Variants in RGS6 observed in about 807,000 individuals in gnomAD.
RGS6 encodes the protein regulator of G-protein signaling 6.
Under a neutral mutation model 78.5 loss-of-function variants are expected in RGS6, and 30 were observed. The observed-to-expected ratio is 0.38, with a 90% CI of 0.29 to 0.52. The LOEUF is 0.52. Ranked by LOEUF, RGS6 falls within the 20% of genes least tolerant of loss-of-function variation. The pLI is 0.85. For missense variants in RGS6, 495 were observed against 609.7 expected, an observed-to-expected ratio of 0.81 and a Z score of 1.98; for synonymous variants, 206 against 206.0, an observed-to-expected ratio of 1.00 and a Z score of 0.00.
At chr14:72,523,606 C>T (rs1033133710) in intron 15 of RGS6, among the ~76,000 whole-genome samples, 1 of 152,134 alleles carries the variant, frequency 6.6e-6, no homozygotes, top group African/African-American at 2.4e-5. Flanking sequence ...AGTTAATTGC[C>T]TGTATTTGCT....
At chr14:72,189,298 A>G (rs957095471) in intron 2 of RGS6, among the ~76,000 whole-genome samples, 1 of 152,200 alleles carries the variant, frequency 6.6e-6, no homozygotes, top group African/African-American at 2.4e-5. Flanking sequence ...CAAAACTTCT[A>G]GTATGTTAGG....
chr14:72,448,394 T>C lies in RGS6; in HGVS notation c.185-6134T>C, dbSNP rs191595457. Among the ~76,000 whole-genome samples, 199 of 152,338 alleles carry C rather than the reference T, an allele frequency of 1.3e-3. 3 individuals are homozygous for C. Among genetic ancestry groups the C allele is most frequent in the Admixed American group, 7.6e-3 (116 of 15,298 alleles). ...GTGTTTCTCCACCTGTGTTCCCTTC[T>C]GTCTTACTGCCACCTACTCATTGTG... On this transcript the variant is annotated intron_variant, in intron 3 of 17. Coordinates refer to ENST00000553525, the MANE Select transcript of RGS6 (RefSeq NM_001204424.2).
intron 2 of RGS6, among the ~76,000 whole-genome samples, chr14:72,221,253 A>G (rs1222499861): frequency 6.6e-6 from 1 of 152,370 alleles, no homozygotes; most frequent in Non-Finnish European, 1.5e-5. Flanking sequence ...CAAAATTTGC[A>G]TAAAGTTATC....
chr14:71,873,212 G>A, the RGS6 span, among the ~76,000 whole-genome samples: 16 of 152,206 alleles, frequency 1.1e-4, no homozygotes, highest in South Asian at 4.2e-4. Context: ...TTGAGGAATC[G>A]CCACACTGTC....
At chr14:72,167,984 G>T (rs1255808674) in intron 2 of RGS6, among the ~76,000 whole-genome samples, 2 of 152,138 alleles carry the variant, frequency 1.3e-5, no homozygotes, top group Non-Finnish European at 2.9e-5. Context: ...TGGGGATTCT[G>T]GGAAGAGGGG....
In RGS6 at chr14:71,971,500, G is replaced by A. The variant is rs770631512; in HGVS notation, c.84+6625G>A. ...CCGACTACTTTCCTCTTCTGGGTCCGGACATCCTTTTCATCTACTCATCCT... is the reference window on the plus strand; with the variant it reads ...CCGACTACTTTCCTCTTCTGGGTCCAGACATCCTTTTCATCTACTCATCCT... On this transcript the variant is annotated intron_variant, in intron 2 of 17. Coordinates refer to ENST00000553525, the MANE Select transcript of RGS6 (RefSeq NM_001204424.2). Among the ~76,000 whole-genome samples, 9 of 152,132 alleles carry A rather than the reference G, an allele frequency of 5.9e-5. 1 individual carries two copies. Among genetic ancestry groups the A allele is most frequent in the East Asian group, 1.9e-4 (1 of 5,180 alleles).
At chr14:71,927,660 T>C (rs1297735522), upstream of RGS6, among the ~76,000 whole-genome samples, 3 of 150,032 alleles carry the variant, frequency 2.0e-5, no homozygotes, top group Non-Finnish European at 4.5e-5. Flanking sequence ...ATCCTTTTTT[T>C]TTCTTTTTTT....
At chr14:72,058,091 G>C (rs1013901739) in intron 2 of RGS6, among the ~76,000 whole-genome samples, 1 of 107,644 alleles carries the variant, frequency 9.3e-6, no homozygotes, top group South Asian at 2.9e-4. Flanking sequence ...TTTTTTTTTT[G>C]CTTGTCTTCT....
At chr14:72,492,949 A>G (rs938095710) in intron 12 of RGS6, among the ~76,000 whole-genome samples, 1 of 152,180 alleles carries the variant, frequency 6.6e-6, no homozygotes. Flanking sequence ...AATATTTACT[A>G]TCTAGGCCCT....
At chr14:72,187,941 T>G (rs879559393) in intron 2 of RGS6, among the ~76,000 whole-genome samples, 5 of 152,198 alleles carry the variant, frequency 3.3e-5, no homozygotes, top group African/African-American at 9.7e-5. Flanking sequence ...TTAAACCAGG[T>G]GACAGCCCTT....
intron 3 of RGS6, among the ~76,000 whole-genome samples, chr14:72,372,938 C>T (rs962643139): frequency 6.6e-6 from 1 of 152,174 alleles, no homozygotes; most frequent in Non-Finnish European, 1.5e-5. Flanking sequence ...GGGCAGCCCA[C>T]ACCAAAAGGC....
At chr14:71,876,153 T>TA in the RGS6 span, among the ~76,000 whole-genome samples, 1 of 152,208 alleles carries the variant, frequency 6.6e-6, no homozygotes, top group Admixed American at 6.5e-5. Context: ...TGTAGATGTC[T>TA]ATTAGGTCCA....
At position 72,056,495 on chromosome 14, in the gene RGS6, T is replaced by G. The variant is rs558642944; in HGVS notation, c.84+91620T>G. On this transcript the variant is annotated intron_variant, in intron 2 of 17. Coordinates refer to ENST00000553525, the MANE Select transcript of RGS6 (RefSeq NM_001204424.2). Reference sequence around the variant, plus strand: ...CATGGTCCCGTGAGAGAATTTCTTATTAAAAATTGAGCTTGCAAAAAATCA... The same window carrying G: ...CATGGTCCCGTGAGAGAATTTCTTAGTAAAAATTGAGCTTGCAAAAAATCA... Among the ~76,000 whole-genome samples the G allele has an allele frequency of 1.3e-5, 2 of 152,374 alleles. 1 individual carries two copies. Among genetic ancestry groups the G allele is most frequent in the South Asian group, 4.1e-4 (2 of 4,834 alleles).
At chr14:72,228,944 A>C (rs1443092290) in intron 2 of RGS6, among the ~76,000 whole-genome samples, 1 of 152,122 alleles carries the variant, frequency 6.6e-6, no homozygotes, top group African/African-American at 2.4e-5. Flanking sequence ...AATCCCAGCT[A>C]CTCGGGAGGC....
At chr14:71,938,520 T>A (rs1227624188) in intron 1 of RGS6, among the ~76,000 whole-genome samples, 1 of 152,072 alleles carries the variant, frequency 6.6e-6, no homozygotes, top group East Asian at 1.9e-4. Context: ...GCCCTAGTCT[T>A]CTCCTCCTCT....
intron 2 of RGS6, among the ~76,000 whole-genome samples, chr14:72,141,943 A>G (rs1278490131): frequency 6.6e-6 from 1 of 151,284 alleles, no homozygotes; most frequent in Non-Finnish European, 1.5e-5. Flanking sequence ...TGGATTCTTG[A>G]TAAATGCTTG....
chr14:72,313,810 G>C (rs1033806556), intron 2 of RGS6, among the ~76,000 whole-genome samples: 4 of 152,194 alleles, frequency 2.6e-5, no homozygotes, highest in African/African-American at 4.8e-5. Flanking sequence ...AAAGGAAAAT[G>C]AAGGTATTAG....
At chr14:72,230,076 G>T (rs568672178) in intron 2 of RGS6, among the ~76,000 whole-genome samples, 1 of 152,214 alleles carries the variant, frequency 6.6e-6, no homozygotes, top group Admixed American at 6.5e-5. Flanking sequence ...TGGAATTGGG[G>T]TATCAAATTG....
chr14:72,408,470 C>G (rs2093133732), intron 3 of RGS6, among the ~76,000 whole-genome samples: 1 of 152,190 alleles, frequency 6.6e-6, no homozygotes, highest in Admixed American at 6.5e-5. Context: ...TCTAAAATCA[C>G]ATCACTTGAC....
Sources: allele counts gnomAD v4.1 joint callset (sites outside exome capture counted in the v4.1 genomes callset), GRCh38; gene constraint gnomAD v4.1.1; transcripts MANE v1.5; gene names NCBI Gene and HGNC (gene_info 2026-07-23, HGNC 2026-07-21).